Variants in SGCZ observed in about 807,000 individuals in gnomAD.
The protein encoded by SGCZ is sarcoglycan zeta.
A neutral mutation model predicts 41.3 loss-of-function variants in SGCZ; 40 were observed. That is an observed-to-expected ratio of 0.97 (90% CI 0.75 to 1.26). The LOEUF (loss-of-function observed/expected upper bound fraction) is 1.26. Among genes scored for constraint, SGCZ ranks in the 50% most tolerant of loss-of-function variants. SGCZ has a pLI of 0.00. For missense variants in SGCZ, 552 were observed against 369.8 expected, an observed-to-expected ratio of 1.49 and a Z score of -4.04; for synonymous variants, 206 against 137.5, an observed-to-expected ratio of 1.50 and a Z score of -3.49.
intron 1 of SGCZ, among the ~76,000 whole-genome samples, chr8:14,682,537 C>T (rs1402492942): frequency 6.6e-6 from 1 of 151,738 alleles, no homozygotes; most frequent in Non-Finnish European, 1.5e-5. Context: ...CGGGTTCACG[C>T]CATCCTCCTG....
chr8:15,161,753 G>A (rs902046640), intron 1 of SGCZ, among the ~76,000 whole-genome samples: 1 of 152,192 alleles, frequency 6.6e-6, no homozygotes, highest in African/African-American at 2.4e-5. Context: ...ATTAAAAAGA[G>A]GCTGGGTGCC....
chr8:14,249,138 T>A (rs1415288773), intron 3 of SGCZ, among the ~76,000 whole-genome samples: 1 of 152,170 alleles, frequency 6.6e-6, no homozygotes, highest in African/African-American at 2.4e-5. Context: ...AGGAAGATTT[T>A]CTTCCTCCCC....
At chr8:14,314,099 G>C (rs185858980) in intron 3 of SGCZ, among the ~76,000 whole-genome samples, 2 of 152,144 alleles carry the variant, frequency 1.3e-5, no homozygotes, top group African/African-American at 2.4e-5. Context: ...ACATACAATG[G>C]TGTAATCTGT....
chr8:14,690,177 T>A (rs1338876506), intron 1 of SGCZ, among the ~76,000 whole-genome samples: 1 of 151,848 alleles, frequency 6.6e-6, no homozygotes, highest in African/African-American at 2.4e-5. Context: ...GTGTTGTGTG[T>A]ATAGGATACT....
chr8:14,537,316 T>A (rs1240063286), intron 2 of SGCZ, among the ~76,000 whole-genome samples: 1 of 151,900 alleles, frequency 6.6e-6, no homozygotes, highest in Non-Finnish European at 1.5e-5. Flanking sequence ...GCAGTATCAT[T>A]GCATATCTCT....
intron 1 of SGCZ, among the ~76,000 whole-genome samples, chr8:14,746,103 A>T (rs1799332893): frequency 6.6e-6 from 1 of 152,034 alleles, no homozygotes; most frequent in Admixed American, 6.6e-5. Context: ...TTCCATAAAT[A>T]TCGATCTATA....
At chr8:14,600,716 A>C (rs1218025058) in intron 1 of SGCZ, among the ~76,000 whole-genome samples, 1 of 152,182 alleles carries the variant, frequency 6.6e-6, no homozygotes, top group African/African-American at 2.4e-5. Context: ...TTTCAACTAA[A>C]AAAAATATAC....
intron 5 of SGCZ, among the ~76,000 whole-genome samples, chr8:14,133,441 G>A (rs1375602201): frequency 6.6e-6 from 1 of 152,136 alleles, no homozygotes; most frequent in Non-Finnish European, 1.5e-5. Flanking sequence ...ACAGAGAAGA[G>A]CATCTTTTCT....
intron 1 of SGCZ, among the ~76,000 whole-genome samples, chr8:14,721,823 A>G (rs4831307): frequency 0.45 from 68,182 of 151,966 alleles, 19,444 homozygotes; most frequent in African/African-American, 0.81. Flanking sequence ...CCCTGTAAGC[A>G]CTGGCCATTC....
chr8:14,524,694 C>T (rs1004119194), intron 2 of SGCZ, among the ~76,000 whole-genome samples: 2 of 152,004 alleles, frequency 1.3e-5, no homozygotes, highest in African/African-American at 4.8e-5. Context: ...AAATTATTTA[C>T]CTTTGAACAA....
rs1056293749 is a variant in SGCZ at position 14,742,548 on chromosome 8, A to G, written c.40-187622T>C. On this transcript the variant is annotated intron_variant, in intron 1 of 7. Transcript: ENST00000382080. ...ATAGGAAATTCAGGGAACTAAGTGTAAACAAGCTGAATTATCTATTCAGTT... is the reference window on the plus strand; with the variant it reads ...ATAGGAAATTCAGGGAACTAAGTGTGAACAAGCTGAATTATCTATTCAGTT... Among the ~76,000 whole-genome samples the G allele has an allele frequency of 4.6e-5, 7 of 152,084 alleles. No individual in the cohort carries two copies. In the East Asian group the frequency reaches 7.7e-4, roughly 17 times the overall value.
At chr8:14,708,346 A>G (rs1202231694) in intron 1 of SGCZ, among the ~76,000 whole-genome samples, 1 of 152,048 alleles carries the variant, frequency 6.6e-6, no homozygotes, top group Non-Finnish European at 1.5e-5. Flanking sequence ...TATTATTTGT[A>G]AAAATATTTT....
At chr8:14,995,263 G>A (rs1398558528) in intron 1 of SGCZ, among the ~76,000 whole-genome samples, 1 of 152,246 alleles carries the variant, frequency 6.6e-6, no homozygotes, top group East Asian at 1.9e-4. Context: ...AGAAGTATGG[G>A]AGACAAGAGA....
intron 5 of SGCZ, among the ~76,000 whole-genome samples, chr8:14,133,676 C>G (rs942534053): frequency 6.6e-6 from 1 of 152,070 alleles, no homozygotes; most frequent in African/African-American, 2.4e-5. Context: ...TTTTTTTAAT[C>G]AGTGTTTACT....
intron 1 of SGCZ, among the ~76,000 whole-genome samples, chr8:14,899,051 T>G (rs1805306778): frequency 2.0e-5 from 3 of 152,216 alleles, no homozygotes; most frequent in Admixed American, 2.0e-4. Flanking sequence ...CACTTTTTTT[T>G]AAGAAGTCGT....
intron 2 of SGCZ, among the ~76,000 whole-genome samples, chr8:14,395,407 G>C (rs1333138146): frequency 6.6e-6 from 1 of 152,088 alleles, no homozygotes; most frequent in African/African-American, 2.4e-5. Context: ...ATATTTAACA[G>C]GAAGGATTTA....
intron 1 of SGCZ, among the ~76,000 whole-genome samples, chr8:15,123,997 T>C (rs1807584310): frequency 6.6e-6 from 1 of 152,204 alleles, no homozygotes; most frequent in Admixed American, 6.5e-5. Flanking sequence ...CGGGGCAGAT[T>C]GCAAATGGCC....
intron 1 of SGCZ, among the ~76,000 whole-genome samples, chr8:14,661,769 T>A (rs1444737807): frequency 6.6e-6 from 1 of 152,016 alleles, no homozygotes; most frequent in Non-Finnish European, 1.5e-5. Flanking sequence ...AAAATTTAAA[T>A]TCCTAATTCA....
At chr8:14,346,796 C>A (rs972913881) in intron 2 of SGCZ, among the ~76,000 whole-genome samples, 2 of 151,898 alleles carry the variant, frequency 1.3e-5, no homozygotes, top group Non-Finnish European at 1.5e-5. Flanking sequence ...TTTTATCCTT[C>A]TCTGTGATAC....
Sources: gnomAD v4.1 joint callset for allele counts (sites outside exome capture counted in the v4.1 genomes callset) on GRCh38, gnomAD v4.1.1 for gene constraint, MANE v1.5 for transcripts, NCBI Gene and HGNC (gene_info 2026-07-23, HGNC 2026-07-21) for gene names.